PCDH7: variants seen among roughly 807,000 people sequenced by gnomAD.
The protein encoded by PCDH7 is protocadherin 7.
A neutral mutation model predicts 58.9 loss-of-function variants in PCDH7; 17 were observed. The observed-to-expected ratio is 0.29, with a 90% confidence interval of 0.20 to 0.43. The LOEUF is 0.43. Ranked by LOEUF, PCDH7 falls within the 20% of genes least tolerant of loss-of-function variation. PCDH7 has a pLI of 1.00. For missense variants in PCDH7, 1,274 were observed against 1,441.0 expected (o/e 0.88, Z 1.88); for synonymous variants, 664 against 616.4 (o/e 1.08, Z -1.14).
chr4:31,042,033 C>CA (rs754131192), intron 3 of PCDH7, among the ~76,000 whole-genome samples: 2 of 152,062 alleles, frequency 1.3e-5, no homozygotes, highest in Non-Finnish European at 2.9e-5. Flanking sequence ...CCCTCTGCAG[C>CA]AAGATACTAG....
intron 1 of PCDH7, among the ~76,000 whole-genome samples, chr4:30,738,858 C>A (rs1255333480): frequency 6.6e-6 from 1 of 151,814 alleles, no homozygotes; most frequent in East Asian, 1.9e-4. Context: ...TGCACAGTGG[C>A]ATAATTGGTC....
chr4:30,893,760 C>A (rs142710802), intron 1 of PCDH7, among the ~76,000 whole-genome samples: 13 of 152,236 alleles, frequency 8.5e-5, no homozygotes, highest in Admixed American at 1.3e-4. Context: ...TTATTTACTT[C>A]ACTAATTGTT....
At chr4:30,945,359 T>A (rs1271116534) in intron 2 of PCDH7, among the ~76,000 whole-genome samples, 1 of 152,126 alleles carries the variant, frequency 6.6e-6, no homozygotes, top group African/African-American at 2.4e-5. Context: ...ATTGTATAAT[T>A]GCTTATTAAA....
At chr4:30,821,866 A>G (rs1728417080) in intron 1 of PCDH7, among the ~76,000 whole-genome samples, 1 of 152,170 alleles carries the variant, frequency 6.6e-6, no homozygotes, top group Non-Finnish European at 1.5e-5. Context: ...GCTTCTGCAT[A>G]CTGATGTAAC....
intron 3 of PCDH7, among the ~76,000 whole-genome samples, chr4:31,038,920 G>A (rs541805670): frequency 6.6e-4 from 101 of 152,138 alleles, no homozygotes; most frequent in African/African-American, 2.2e-3. Flanking sequence ...ACTTTAAGTC[G>A]AAGACTCCTT....
chr4:30,905,455 T>G (rs1420939447), intron 1 of PCDH7, among the ~76,000 whole-genome samples: 1 of 92,742 alleles, frequency 1.1e-5, no homozygotes, highest in East Asian at 2.9e-4. Context: ...ATTATCACAA[T>G]GAGAAAATGA....
intron 3 of PCDH7, among the ~76,000 whole-genome samples, chr4:31,085,608 G>A (rs1301881066): frequency 6.6e-6 from 1 of 152,106 alleles, no homozygotes; most frequent in Non-Finnish European, 1.5e-5. Flanking sequence ...CACTGTCTCA[G>A]GCATAATTTT....
intron 3 of PCDH7, among the ~76,000 whole-genome samples, chr4:30,990,836 A>T (rs1009356461): frequency 6.6e-6 from 1 of 152,150 alleles, no homozygotes. Flanking sequence ...TCAACTTCCC[A>T]TTTTTAAAAT....
At chr4:30,805,304 G>A (rs1726045779) in intron 1 of PCDH7, among the ~76,000 whole-genome samples, 1 of 152,126 alleles carries the variant, frequency 6.6e-6, no homozygotes, top group Non-Finnish European at 1.5e-5. Flanking sequence ...GGGTCATATG[G>A]TAGGTTTTGG....
At chr4:30,923,563 A>G (rs1044967032) in intron 2 of PCDH7, among the ~76,000 whole-genome samples, 1 of 152,190 alleles carries the variant, frequency 6.6e-6, no homozygotes, top group African/African-American at 2.4e-5. Flanking sequence ...AGAATATACC[A>G]TAAGAATAAA....
chr4:30,936,057 G>C (rs1050804188), intron 2 of PCDH7, among the ~76,000 whole-genome samples: 3 of 151,928 alleles, frequency 2.0e-5, no homozygotes, highest in African/African-American at 7.2e-5. Flanking sequence ...ACGTGAAGTG[G>C]ATAACCTATC....
At chr4:30,764,051 A>G (rs577540868) in intron 1 of PCDH7, among the ~76,000 whole-genome samples, 1 of 151,956 alleles carries the variant, frequency 6.6e-6, no homozygotes, top group African/African-American at 2.4e-5. Flanking sequence ...TTACTTTCCT[A>G]CTCTTAACTT....
intron 3 of PCDH7, among the ~76,000 whole-genome samples, chr4:31,079,533 C>T (rs11945857): frequency 6.7e-6 from 1 of 149,804 alleles, no homozygotes. Context: ...TCCAACAGCA[C>T]GTAATACCAA....
At chr4:30,917,578 G>T (rs1457542218) in intron 1 of PCDH7, among the ~76,000 whole-genome samples, 3 of 151,748 alleles carry the variant, frequency 2.0e-5, no homozygotes, top group South Asian at 2.1e-4. Flanking sequence ...ATACAAGAAA[G>T]AATTGATGGA....
intron 1 of PCDH7, among the ~76,000 whole-genome samples, chr4:30,915,584 C>T (rs1017065669): frequency 3.3e-5 from 5 of 152,150 alleles, no homozygotes; most frequent in South Asian, 2.1e-4. Context: ...AGTGCGGTGG[C>T]GCGATCTCGG....
rs549718354 is a variant in PCDH7 at position 30,793,335 on chromosome 4, A to G, written c.70+68739A>G. Among the ~76,000 whole-genome samples, 9 of 152,314 alleles carry G rather than the reference A, an allele frequency of 5.9e-5. No individual in the cohort carries two copies. The South Asian group carries it at 1.7e-3, about 28-fold the overall frequency. ...TGTGCTCTTGTCATTTGAGATTAAC[A>G]TTTGGATTAAAGAGCATGATTAGAA... On this transcript the variant is annotated intron_variant, in intron 1 of 3. Transcript: ENST00000509759.
intron 3 of PCDH7, among the ~76,000 whole-genome samples, chr4:31,109,311 G>A (rs1208298963): frequency 6.6e-6 from 1 of 152,170 alleles, no homozygotes; most frequent in East Asian, 1.9e-4. Flanking sequence ...TGATGACTAT[G>A]CTAAAAGAAT....
intron 1 of PCDH7, among the ~76,000 whole-genome samples, chr4:30,833,562 C>T (rs1164564878): frequency 6.6e-6 from 1 of 152,100 alleles, no homozygotes; most frequent in African/African-American, 2.4e-5. Context: ...CGTCTTAGTC[C>T]CATCCCCACC....
chr4:30,776,454 A>G (rs181646771), intron 1 of PCDH7: 1 of 152,376 alleles, frequency 6.6e-6, no homozygotes, highest in Admixed American at 6.5e-5. Flanking sequence ...GTTCGAAGCA[A>G]TCTAAATAGT....
Sources: allele counts gnomAD v4.1 joint callset (sites outside exome capture counted in the v4.1 genomes callset), GRCh38; gene constraint gnomAD v4.1.1; transcripts MANE v1.5; gene names NCBI Gene and HGNC (gene_info 2026-07-23, HGNC 2026-07-21).